Variants in LRIG1 observed in about 807,000 individuals in gnomAD.
LRIG1 encodes the protein leucine rich repeats and immunoglobulin like domains 1, also known as leucine-rich repeats and immunoglobulin-like domains protein 1.
A neutral mutation model predicts 99.2 loss-of-function variants in LRIG1; 48 were observed. The ratio of observed to expected loss-of-function variants is 0.48; its 90% CI spans 0.38 to 0.62. The LOEUF is 0.62. LRIG1 is among the 20% of genes least tolerant of loss of function. LRIG1 has a pLI of 0.00. For missense variants in LRIG1, 1,646 were observed against 1,434.4 expected, an observed-to-expected ratio of 1.15 and a Z score of -2.38; for synonymous variants, 772 against 596.1, an observed-to-expected ratio of 1.29 and a Z score of -4.30.
Position 66,400,171 on chromosome 3 carries a change from CAA to C in LRIG1, c.1161-1132_1161-1131del, listed in dbSNP as rs529490446. ...AACTGTTAAGAGTTCTCCCAGAAACCAAAGTCTGCGCCCCTGCAGAACACATG... is the reference window on the plus strand; with the variant it reads ...AACTGTTAAGAGTTCTCCCAGAAACCAGTCTGCGCCCCTGCAGAACACATG... On this transcript the variant is annotated intron_variant, in intron 9 of 18. Coordinates refer to ENST00000273261, the MANE Select transcript of LRIG1 (RefSeq NM_015541.3). 3.9e-4 allele frequency among the ~76,000 whole-genome samples: 59 copies of C among 152,354 alleles called. 2 individuals are homozygous for C. The South Asian group carries it at 0.012, about 31-fold the overall frequency.
chr3:66,382,989 G>A lies in LRIG1; in HGVS notation c.2484C>T (p.Thr828=). The change falls in exon 15 of 19, where the codon ACC becomes ACT. Residue 828 remains threonine, a synonymous_variant. Coordinates refer to ENST00000273261, the MANE Select transcript of LRIG1 (RefSeq NM_015541.3). Reference sequence around the variant, plus strand: ...CCGCTGGCAGGGCCTGACCTGTGTTGGTGACACTGTACTCTTCACTCTTCT... The same window carrying A: ...CCGCTGGCAGGGCCTGACCTGTGTTAGTGACACTGTACTCTTCACTCTTCT... The part of the protein sequence containing the change: ...TRKKSEEYSV[T]NTDETVVPPD... The A allele has an allele frequency of 1.2e-6, 2 of 1,606,272 alleles. No individual in the cohort carries two copies. The highest frequency in any genetic ancestry group is 1.7e-6 in the Non-Finnish European group (2 of 1,174,152).
chr3:66,467,574 G>A (rs369164526), intron 1 of LRIG1, among the ~76,000 whole-genome samples: 2 of 151,914 alleles, frequency 1.3e-5, no homozygotes, highest in East Asian at 1.9e-4. Flanking sequence ...TGTTAGCCAG[G>A]ATGGTCTTGA....
intron 3 of LRIG1, among the ~76,000 whole-genome samples, chr3:66,424,339 A>G (rs528146072): frequency 6.6e-6 from 1 of 151,578 alleles, no homozygotes; most frequent in Non-Finnish European, 1.5e-5. Flanking sequence ...GGTCTAAGAT[A>G]CCCTCTCTAG....
At chr3:66,385,936 G>T (rs747262028) in intron 13 of LRIG1, 45 bp downstream of exon 13, 2 of 1,539,250 alleles carry the variant, frequency 1.3e-6, no homozygotes, top group East Asian at 4.5e-5. Flanking sequence ...TCAGGAGTGT[G>T]CTTTGTAGGA....
At chr3:66,460,807 G>C (rs925978564) in intron 2 of LRIG1, among the ~76,000 whole-genome samples, 3 of 152,224 alleles carry the variant, frequency 2.0e-5, no homozygotes, top group African/African-American at 7.2e-5. Context: ...GGGAGAATGA[G>C]AGTCCTAGAG....
chr3:66,403,506 A>G (rs1035625624), intron 9 of LRIG1, among the ~76,000 whole-genome samples: 2 of 152,100 alleles, frequency 1.3e-5, no homozygotes, highest in Non-Finnish European at 2.9e-5. Flanking sequence ...AGCTCACTAC[A>G]AACAACATTA....
In LRIG1 at chr3:66,414,941, T is replaced by A. The variant is rs1260214369; in HGVS notation, c.626A>T (p.Lys209Met). 6.2e-7 allele frequency: 1 copy of A among 1,609,158 alleles called. No homozygotes were observed. The highest frequency in any genetic ancestry group is 1.3e-5 in the African/African-American group (1 of 74,708). The change falls in exon 5 of 19, where the codon AAG (lysine) becomes ATG (methionine). Residue 209 changes from lysine to methionine, a missense_variant. Transcript: ENST00000273261. ...TCACAGTTGTGTCAGCCTGGGTAGC[T>A]TGAATGCTCTTACAGGAAGCTGGGT... ...RITQLPVRAF[K>M]LPRLTQLDLN...
intron 1 of LRIG1, among the ~76,000 whole-genome samples, chr3:66,493,006 T>C (rs912897291): frequency 6.6e-6 from 1 of 152,216 alleles, no homozygotes; most frequent in African/African-American, 2.4e-5. Context: ...AAAGTTACTA[T>C]GCAATTCCAA....
chr3:66,388,600 C>T (rs995528396), intron 12 of LRIG1, among the ~76,000 whole-genome samples: 7 of 151,908 alleles, frequency 4.6e-5, no homozygotes, highest in African/African-American at 7.3e-5. Context: ...ATCTTGAAAA[C>T]GCAAAAGAGG....
chr3:66,471,190 CTATTAGAGA>C (rs1266852787), intron 1 of LRIG1, among the ~76,000 whole-genome samples: 2 of 151,996 alleles, frequency 1.3e-5, no homozygotes, highest in Non-Finnish European at 2.9e-5. Flanking sequence ...TTTGGCTTTG[CTATTAGAGA>C]AGTGCTTTGC....
chr3:66,474,036 G>C (rs1700660973), intron 1 of LRIG1, among the ~76,000 whole-genome samples: 1 of 152,170 alleles, frequency 6.6e-6, no homozygotes, highest in South Asian at 2.1e-4. Context: ...CCCTGGTTCT[G>C]GTTGTTGAAA....
At chr3:66,390,469 C>G (rs1426506621) in intron 12 of LRIG1, among the ~76,000 whole-genome samples, 1 of 151,974 alleles carries the variant, frequency 6.6e-6, no homozygotes. Flanking sequence ...TTTTAAGAAG[C>G]TAAGAAAAAA....
chr3:66,425,759 G>C (rs1702962343), intron 3 of LRIG1, among the ~76,000 whole-genome samples: 1 of 152,234 alleles, frequency 6.6e-6, no homozygotes, highest in Non-Finnish European at 1.5e-5. Context: ...CACAGTGTCA[G>C]TTTACCCCTT....
intron 3 of LRIG1, among the ~76,000 whole-genome samples, chr3:66,442,951 AC>A (rs1219638305): frequency 1.3e-5 from 2 of 151,526 alleles, no homozygotes; most frequent in East Asian, 3.9e-4. Flanking sequence ...CTGGCTCACC[AC>A]CCCCACTCTC....
chr3:66,426,131 C>G (rs1041855566), intron 3 of LRIG1, among the ~76,000 whole-genome samples: 15 of 152,230 alleles, frequency 9.9e-5, no homozygotes, highest in African/African-American at 3.1e-4. Flanking sequence ...TGGGTAATTT[C>G]TGACCCCTGA....
At chr3:66,472,585 C>A (rs1700627992) in intron 1 of LRIG1, among the ~76,000 whole-genome samples, 1 of 152,180 alleles carries the variant, frequency 6.6e-6, no homozygotes, top group Non-Finnish European at 1.5e-5. Flanking sequence ...CCTGTTTTAA[C>A]ACAGGCCCAT....
Position 66,407,373 on chromosome 3 carries a change from T to C in LRIG1, c.1054A>G (p.Lys352Glu). 6.2e-7 allele frequency: 1 copy of C among 1,614,052 alleles called. No individual in the cohort carries two copies. Among genetic ancestry groups the C allele is most frequent in the South Asian group, 1.1e-5 (1 of 91,070 alleles). ...AAGACTCGCAGGCTCCTGAGTCCCTTGAAGGCACCCTCCGCAATGTGGCTG... is the reference window on the plus strand; with the variant it reads ...AAGACTCGCAGGCTCCTGAGTCCCTCGAAGGCACCCTCCGCAATGTGGCTG... ...SISHIAEGAF[K>E]GLRSLRVLDL... is the part of the protein sequence containing the mutation. The change falls in exon 8 of 19, where the codon AAG (lysine) becomes GAG (glutamate). Residue 352 changes from lysine (K) to glutamate (E), a missense_variant. Lys to Glu is a moderately conservative substitution (Grantham distance 56, BLOSUM62 1). Coordinates refer to ENST00000273261, the MANE Select transcript of LRIG1 (RefSeq NM_015541.3).
intron 3 of LRIG1, among the ~76,000 whole-genome samples, chr3:66,439,978 G>A (rs1703487650): frequency 6.6e-6 from 1 of 152,004 alleles, no homozygotes; most frequent in African/African-American, 2.4e-5. Flanking sequence ...ATGAAGGCCA[G>A]CCTCAATATT....
At chr3:66,463,410 T>G (rs1395552450) in intron 1 of LRIG1, among the ~76,000 whole-genome samples, 1 of 152,220 alleles carries the variant, frequency 6.6e-6, no homozygotes, top group Non-Finnish European at 1.5e-5. Flanking sequence ...AGCAGCTTTC[T>G]CAAGATGATG....
Sources: gnomAD v4.1 joint callset for allele counts (sites outside exome capture counted in the v4.1 genomes callset) on GRCh38, gnomAD v4.1.1 for gene constraint, MANE v1.5 for transcripts, NCBI Gene and HGNC (gene_info 2026-07-23, HGNC 2026-07-21) for gene names.